ANKFN1: variants seen among roughly 807,000 people sequenced by gnomAD.
ANKFN1 encodes ankyrin repeat and fibronectin type-III domain-containing protein 1.
In ANKFN1, 74 loss-of-function variants were observed where a neutral mutation model predicts 108.7. That is an observed-to-expected ratio of 0.68 (90% CI 0.56 to 0.83). The LOEUF (loss-of-function observed/expected upper bound fraction) is 0.83. Ranked by LOEUF, ANKFN1 falls within the 40% of genes least tolerant of loss-of-function variation. ANKFN1 has a pLI of 0.00. For missense variants in ANKFN1, 1,505 were observed against 1,382.3 expected (o/e 1.09, Z -1.41); for synonymous variants, 547 against 516.2 (o/e 1.06, Z -0.81).
At chr17:56,104,801 G>C (rs74548544) in intron 4 of ANKFN1, among the ~76,000 whole-genome samples, 1,607 of 152,302 alleles carry the variant, frequency 0.011, 23 homozygotes, top group African/African-American at 0.036. Context: ...GAGGCAGGTA[G>C]TATTGTAAAT....
chr17:56,436,297 G>A (rs1387868353), intron 8 of ANKFN1, among the ~76,000 whole-genome samples: 4 of 152,104 alleles, frequency 2.6e-5, no homozygotes, highest in African/African-American at 7.2e-5. Context: ...AGGTTTTGTC[G>A]AATACCTTTC....
At chr17:56,378,604 A>C (rs1040356695) in intron 8 of ANKFN1, among the ~76,000 whole-genome samples, 1 of 152,224 alleles carries the variant, frequency 6.6e-6, no homozygotes, top group East Asian at 1.9e-4. Flanking sequence ...AAGTGATACA[A>C]TTCCACAAAG....
intron 3 of ANKFN1, among the ~76,000 whole-genome samples, chr17:56,256,294 T>C (rs1212007683): frequency 2.0e-5 from 3 of 152,248 alleles, no homozygotes; most frequent in Non-Finnish European, 4.4e-5. Flanking sequence ...GAAATAATTA[T>C]TTGCAAATTG....
At chr17:56,242,071 C>T (rs1452738731) in intron 3 of ANKFN1, among the ~76,000 whole-genome samples, 4 of 150,758 alleles carry the variant, frequency 2.7e-5, no homozygotes, top group Non-Finnish European at 4.4e-5. Flanking sequence ...ACTGTTTGAC[C>T]GCTGTTAACT....
intron 4 of ANKFN1, among the ~76,000 whole-genome samples, chr17:56,143,207 T>C (rs1462743151): frequency 6.6e-6 from 1 of 152,182 alleles, no homozygotes; most frequent in Non-Finnish European, 1.5e-5. Flanking sequence ...GGCTGCACTG[T>C]TTGAAATTCC....
chr17:56,172,491 A>C (rs1207742325), intron 1 of ANKFN1, among the ~76,000 whole-genome samples: 2 of 152,084 alleles, frequency 1.3e-5, no homozygotes, highest in Non-Finnish European at 2.9e-5. Flanking sequence ...GGAAGCAGCA[A>C]GCAGGTGACA....
chr17:56,228,925 A>C (rs1916496210), intron 3 of ANKFN1, among the ~76,000 whole-genome samples: 1 of 152,134 alleles, frequency 6.6e-6, no homozygotes, highest in Non-Finnish European at 1.5e-5. Flanking sequence ...CAAAGAGTAC[A>C]GTTGAATTAT....
At chr17:56,467,816 AAG>A (rs1491441893) in intron 15 of ANKFN1, among the ~76,000 whole-genome samples, 11 of 42,386 alleles carry the variant, frequency 2.6e-4, no homozygotes, top group East Asian at 4.9e-3. Flanking sequence ...GAAAGAAAGA[AAG>A]AAAGAAAGAA....
chr17:56,200,562 C>T (rs910870768), intron 1 of ANKFN1, among the ~76,000 whole-genome samples: 7 of 152,228 alleles, frequency 4.6e-5, no homozygotes, highest in South Asian at 4.1e-4. Context: ...AGATGCAGCA[C>T]GTCCAAGGTC....
At chr17:56,049,791 T>C (rs1761783856) in intron 4 of ANKFN1, among the ~76,000 whole-genome samples, 1 of 148,324 alleles carries the variant, frequency 6.7e-6, no homozygotes, top group South Asian at 2.2e-4. Context: ...CAGTCTATCA[T>C]TGTTGGACAT....
intron 3 of ANKFN1, among the ~76,000 whole-genome samples, chr17:56,310,417 A>T (rs1039995976): frequency 6.6e-6 from 1 of 152,158 alleles, no homozygotes; most frequent in Non-Finnish European, 1.5e-5. Context: ...GGAGATCGAG[A>T]CCATCCTGGC....
chr17:56,347,751 G>C (rs906781392), intron 4 of ANKFN1, among the ~76,000 whole-genome samples: 1 of 152,050 alleles, frequency 6.6e-6, no homozygotes, highest in Non-Finnish European at 1.5e-5. Flanking sequence ...AGGGACAGCT[G>C]GGGGAGGATG....
chr17:56,297,337 C>T (rs928293966), intron 3 of ANKFN1, among the ~76,000 whole-genome samples: 4 of 152,048 alleles, frequency 2.6e-5, no homozygotes, highest in Non-Finnish European at 4.4e-5. Flanking sequence ...GAGCTGCTGG[C>T]GGTTTAACTG....
At position 56,305,995 on chromosome 17, in the gene ANKFN1, T is replaced by C. The variant is rs1385892248; in HGVS notation, c.54-20226T>C. ...TATGGGTTAGTTTCTGGATTCTCTG[T>C]TCTGTTTCATTAATCTATATGTCTA... On this transcript the variant is annotated intron_variant, in intron 3 of 20. Coordinates refer to ENST00000682825, the MANE Select transcript of ANKFN1 (RefSeq NM_001370326.1). Among the ~76,000 whole-genome samples the C allele has an allele frequency of 4.5e-4, 69 of 152,328 alleles. 1 individual carries two copies. Among genetic ancestry groups the C allele is most frequent in the Admixed American group, 4.5e-3 (69 of 15,308 alleles).
At chr17:56,144,129 G>A (rs1019049580) in intron 4 of ANKFN1, among the ~76,000 whole-genome samples, 1 of 121,088 alleles carries the variant, frequency 8.3e-6, no homozygotes, top group Non-Finnish European at 1.6e-5. Flanking sequence ...CCTAGCACAA[G>A]TGCCTGACAC....
intron 6 of ANKFN1, among the ~76,000 whole-genome samples, chr17:56,369,834 T>C (rs1309711859): frequency 6.6e-6 from 1 of 152,260 alleles, no homozygotes. Context: ...GACTTGTCCA[T>C]GCAATTACTT....
chr17:56,094,763 A>G (rs568771647), intron 4 of ANKFN1, among the ~76,000 whole-genome samples: 5 of 146,630 alleles, frequency 3.4e-5, no homozygotes, highest in Non-Finnish European at 6.0e-5. Context: ...TTCGTGATCC[A>G]CCCACCTTGA....
rs191366275 is a variant in ANKFN1 at position 56,301,617 on chromosome 17, G to A, written c.54-24604G>A. Among the ~76,000 whole-genome samples the A allele has an allele frequency of 4.8e-3, 732 of 152,132 alleles. 25 individuals are homozygous for A. The highest frequency in any genetic ancestry group is 0.045 in the Admixed American group (682 of 15,292). ...AACGTCCTGGTGGCTTCTACACCTA[G>A]CCCCATTTAGCTGGATTTACTGAAT... On this transcript the variant is annotated intron_variant, in intron 3 of 20. Transcript: ENST00000682825.
chr17:56,333,187 T>C (rs151302875), intron 4 of ANKFN1, among the ~76,000 whole-genome samples: 91 of 152,194 alleles, frequency 6.0e-4, no homozygotes, highest in African/African-American at 2.1e-3. Flanking sequence ...CTTCACTGGC[T>C]AGGATGCCCA....
Sources: allele counts gnomAD v4.1 joint callset (sites outside exome capture counted in the v4.1 genomes callset), GRCh38; gene constraint gnomAD v4.1.1; transcripts MANE v1.5; gene names NCBI Gene and HGNC (gene_info 2026-07-23, HGNC 2026-07-21).